MITF: variants seen among roughly 807,000 people sequenced by gnomAD.
The protein encoded by MITF is microphthalmia-associated transcription factor.
Under a neutral mutation model 60.5 loss-of-function variants are expected in MITF, and 17 were observed. The ratio of observed to expected loss-of-function variants is 0.28; its 90% CI spans 0.19 to 0.42. The LOEUF is 0.42. Ranked by LOEUF, MITF falls within the 10% of genes least tolerant of loss-of-function variation. The pLI is 1.00. For missense variants in MITF, 622 were observed against 683.5 expected, an observed-to-expected ratio of 0.91 and a Z score of 1.00; for synonymous variants, 260 against 248.5, an observed-to-expected ratio of 1.05 and a Z score of -0.43.
intron 1 of MITF, among the ~76,000 whole-genome samples, chr3:69,869,528 A>G (rs947465750): frequency 6.6e-5 from 10 of 152,186 alleles, no homozygotes; most frequent in African/African-American, 2.4e-4. Flanking sequence ...ACATGAGCCC[A>G]CATACATCTC....
At chr3:69,750,047 C>T (rs138551035) in intron 1 of MITF, among the ~76,000 whole-genome samples, 4 of 152,206 alleles carry the variant, frequency 2.6e-5, no homozygotes, top group East Asian at 3.9e-4. Flanking sequence ...CATGATGTAA[C>T]GGCAGGGAGC....
intron 1 of MITF, among the ~76,000 whole-genome samples, chr3:69,835,481 G>A (rs1489995343): frequency 1.3e-5 from 2 of 152,054 alleles, no homozygotes; most frequent in African/African-American, 4.8e-5. Flanking sequence ...TTAGTTTGAT[G>A]TAATCCCATT....
chr3:69,910,499 G>T (rs1415636971), intron 2 of MITF, among the ~76,000 whole-genome samples: 1 of 152,154 alleles, frequency 6.6e-6, no homozygotes, highest in Non-Finnish European at 1.5e-5. Flanking sequence ...GTGTGAGCTT[G>T]GAAAAACCTC....
intron 1 of MITF, among the ~76,000 whole-genome samples, chr3:69,860,597 C>CAAAAAAA (rs1039213953): frequency 1.5e-4 from 9 of 60,780 alleles, no homozygotes; most frequent in African/African-American, 5.5e-4. Flanking sequence ...GACTCCGTCT[C>CAAAAAAA]AAAAAAAAAA....
intron 7 of MITF, among the ~76,000 whole-genome samples, chr3:69,952,201 AT>A (rs1215132178): frequency 6.6e-6 from 1 of 152,084 alleles, no homozygotes; most frequent in African/African-American, 2.4e-5. Flanking sequence ...CTACCCAATT[AT>A]AAGTGTTGCT....
chr3:69,870,162 C>CAA (rs540814984), intron 1 of MITF, among the ~76,000 whole-genome samples: 1 of 109,962 alleles, frequency 9.1e-6, no homozygotes, highest in Admixed American at 9.3e-5. Flanking sequence ...AAAAAACAGG[C>CAA]AAAAAAAAAA....
At chr3:69,949,980 A>T (rs946790585) in intron 6 of MITF, among the ~76,000 whole-genome samples, 2 of 152,062 alleles carry the variant, frequency 1.3e-5, no homozygotes, top group African/African-American at 4.8e-5. Flanking sequence ...TCTTAAAAAA[A>T]TTTTTTTTAG....
intron 1 of MITF, among the ~76,000 whole-genome samples, chr3:69,877,051 A>G (rs1000106547): frequency 2.6e-5 from 4 of 152,312 alleles, no homozygotes; most frequent in South Asian, 2.1e-4. Context: ...CATATACCAC[A>G]CTTATTTCAA....
At chr3:69,879,557 C>T (rs549743383) in intron 2 of MITF, among the ~76,000 whole-genome samples, 174 bp downstream of exon 2, 11 of 152,300 alleles carry the variant, frequency 7.2e-5, no homozygotes, top group Non-Finnish European at 7.4e-5. Context: ...AGGATGCAAA[C>T]GCATTGTAAC....
At chr3:69,763,649 G>A in intron 1 of MITF, 7 of 1,250,206 alleles carry the variant, frequency 5.6e-6, no homozygotes, top group Non-Finnish European at 7.1e-6. Flanking sequence ...TTCTGAGACG[G>A]TTCAGTGGAC....
At chr3:69,801,991 G>A (rs1339571645) in intron 1 of MITF, among the ~76,000 whole-genome samples, 1 of 152,114 alleles carries the variant, frequency 6.6e-6, no homozygotes, top group Non-Finnish European at 1.5e-5. Context: ...ATTATTGTTA[G>A]TATTGTCATT....
chr3:69,840,755 CTTTTTTTTTTT>C (rs200258297), intron 1 of MITF, among the ~76,000 whole-genome samples: 1 of 138,564 alleles, frequency 7.2e-6, no homozygotes, highest in African/African-American at 2.6e-5. Context: ...GTTTTTTTCT[CTTTTTTTTTTT>C]TTTTTGAAAC....
intron 5 of MITF, among the ~76,000 whole-genome samples, chr3:69,946,231 T>G (rs1387623852): frequency 6.6e-6 from 1 of 152,188 alleles, no homozygotes; most frequent in Middle Eastern, 3.2e-3. Flanking sequence ...TTGCTTAATA[T>G]CACATAGCAA....
At chr3:69,904,482 T>C (rs1363192015) in intron 2 of MITF, among the ~76,000 whole-genome samples, 3 of 152,148 alleles carry the variant, frequency 2.0e-5, no homozygotes, top group African/African-American at 4.8e-5. Flanking sequence ...CTTGGCCAAA[T>C]CCTGCCCACC....
chr3:69,945,862 G>A (rs77745460), intron 5 of MITF, among the ~76,000 whole-genome samples: 1 of 152,266 alleles, frequency 6.6e-6, no homozygotes, highest in East Asian at 1.9e-4. Flanking sequence ...AGTGTGGAAT[G>A]CCTGACTTGG....
intron 1 of MITF, among the ~76,000 whole-genome samples, chr3:69,811,342 G>A (rs867665907): frequency 2.6e-5 from 4 of 152,302 alleles, no homozygotes; most frequent in Admixed American, 6.5e-5. Context: ...TTGATGATAG[G>A]TTTCCGAGCA....
In MITF at chr3:69,766,686, G is replaced by T. The variant is rs62250970; in HGVS notation, c.104+26985G>T. Among the ~76,000 whole-genome samples, 3 of 151,978 alleles carry T rather than the reference G, an allele frequency of 2.0e-5. No homozygotes were observed. The East Asian group carries it at 5.8e-4, about 30-fold the overall frequency. ...ATATGACCCTGTGGGTCTGTCTCCC[G>T]CTATATACAATGAAGGCTAAAGATG... is the stretch of plus-strand genomic sequence containing the variant. On this transcript the variant is annotated intron_variant, in intron 1 of 9. Transcript: ENST00000352241.
intron 1 of MITF, among the ~76,000 whole-genome samples, chr3:69,830,761 C>T (rs1166326205): frequency 1.3e-5 from 2 of 152,108 alleles, no homozygotes; most frequent in Admixed American, 1.3e-4. Context: ...TTTCAGTGTG[C>T]CCAACATGGA....
chr3:69,867,693 C>CTA (rs201091541), intron 1 of MITF, among the ~76,000 whole-genome samples: 5,929 of 151,820 alleles, frequency 0.039, 274 homozygotes, highest in African/African-American at 0.11. Flanking sequence ...AAAATATACT[C>CTA]TAACTTACTA....
Sources: allele counts gnomAD v4.1 joint callset (sites outside exome capture counted in the v4.1 genomes callset), GRCh38; gene constraint gnomAD v4.1.1; transcripts MANE v1.5; gene names NCBI Gene and HGNC (gene_info 2026-07-23, HGNC 2026-07-21).